Variants in ENPP6 observed in about 807,000 individuals in gnomAD.
ENPP6 encodes the protein ectonucleotide pyrophosphatase/phosphodiesterase 6, also known as glycerophosphocholine cholinephosphodiesterase ENPP6.
A neutral mutation model predicts 42.0 loss-of-function variants in ENPP6; 32 were observed. The ratio of observed to expected loss-of-function variants is 0.76; its 90% CI spans 0.58 to 1.02. The LOEUF is 1.02. Ranked by LOEUF, ENPP6 falls within the 50% of genes least tolerant of loss-of-function variation. The probability of loss-of-function intolerance (pLI) is 0.00; values close to 1 mark genes in which losing one functional copy is unlikely to be tolerated. For synonymous variants in ENPP6, 213 were observed against 216.0 expected (o/e 0.99, Z 0.12); for missense variants, 552 against 566.8 (o/e 0.97, Z 0.27).
intron 6 of ENPP6, among the ~76,000 whole-genome samples, chr4:184,111,288 T>A (rs1007589357): frequency 3.3e-5 from 5 of 152,268 alleles, no homozygotes; most frequent in African/African-American, 1.2e-4. Context: ...TATTTGCTTT[T>A]AAAAATTCCA....
intron 1 of ENPP6, among the ~76,000 whole-genome samples, chr4:184,169,305 A>T (rs891565690): frequency 6.6e-6 from 1 of 151,372 alleles, no homozygotes; most frequent in Non-Finnish European, 1.5e-5. Context: ...AGGATTCTTC[A>T]TGCTGGAGGA....
At chr4:184,167,860 C>G (rs1296307531) in intron 1 of ENPP6, among the ~76,000 whole-genome samples, 4 of 152,148 alleles carry the variant, frequency 2.6e-5, no homozygotes, top group East Asian at 1.9e-4. Flanking sequence ...GACACTGGGT[C>G]TCATTCAGTG....
chr4:184,116,680 C>G (rs865810132), intron 5 of ENPP6, among the ~76,000 whole-genome samples, 176 bp downstream of exon 5: 70 of 152,084 alleles, frequency 4.6e-4, no homozygotes, highest in African/African-American at 1.7e-3. Context: ...TTGCAGTGAG[C>G]CGAGATCGCG....
chr4:184,131,826 T>C (rs56057370), intron 2 of ENPP6, among the ~76,000 whole-genome samples: 92,277 of 140,300 alleles, frequency 0.66, 29,631 homozygotes, highest in Non-Finnish European at 0.68. Context: ...CACACACACA[T>C]ATATATATAT....
chr4:184,208,779 TG>T (rs1313810259), intron 1 of ENPP6, among the ~76,000 whole-genome samples: 6 of 144,644 alleles, frequency 4.1e-5, no homozygotes, highest in Non-Finnish European at 9.2e-5. Flanking sequence ...GCTCCACCTC[TG>T]GGGGCAGGGC....
At chr4:184,137,346 C>T (rs113166094) in intron 2 of ENPP6, among the ~76,000 whole-genome samples, 1 of 152,250 alleles carries the variant, frequency 6.6e-6, no homozygotes, top group East Asian at 1.9e-4. Flanking sequence ...ATCCACCTGC[C>T]TCAGCCTCCC....
intron 7 of ENPP6, 71 bp downstream of exon 7, chr4:184,097,174 A>T: frequency 1.9e-6 from 3 of 1,594,708 alleles, no homozygotes; most frequent in Non-Finnish European, 1.7e-6. Flanking sequence ...CTCTCCTGGC[A>T]CCCGTAGCCC....
chr4:184,151,471 G>T (rs1421852218), intron 2 of ENPP6, among the ~76,000 whole-genome samples: 2 of 152,218 alleles, frequency 1.3e-5, no homozygotes, highest in African/African-American at 4.8e-5. Flanking sequence ...CAGATGAAAG[G>T]CCCTCTCCAG....
chr4:184,103,422 A>G (rs1431006799), intron 6 of ENPP6, among the ~76,000 whole-genome samples: 1 of 152,236 alleles, frequency 6.6e-6, no homozygotes, highest in Non-Finnish European at 1.5e-5. Context: ...GAGGCCTAAT[A>G]AAAATCTACT....
At chr4:184,199,735 T>C (rs1393414048) in intron 1 of ENPP6, among the ~76,000 whole-genome samples, 2 of 152,306 alleles carry the variant, frequency 1.3e-5, no homozygotes, top group East Asian at 3.9e-4. Flanking sequence ...GGATTAACTA[T>C]AGAGCACTTT....
At chr4:184,186,192 G>A (rs1427521842) in intron 1 of ENPP6, among the ~76,000 whole-genome samples, 1 of 152,106 alleles carries the variant, frequency 6.6e-6, no homozygotes, top group Admixed American at 6.6e-5. Context: ...ATAAAAACTT[G>A]AGGAATAGCC....
chr4:184,182,164 G>GA (rs796142730), intron 1 of ENPP6, among the ~76,000 whole-genome samples: 1,419 of 137,696 alleles, frequency 0.01, 17 homozygotes, highest in African/African-American at 0.029. Context: ...AAATCTACAA[G>GA]AAAAAAAAAA....
rs369099129 is a variant in ENPP6, at chr4:184,097,410, C to G, written c.994-42G>C. 2.5e-6 allele frequency: 4 copies of G among 1,609,146 alleles called. No homozygotes were observed. In the East Asian group the frequency reaches 8.9e-5, roughly 36 times the overall value. On this transcript the variant is annotated intron_variant, in intron 6 of 7. Coordinates refer to ENST00000296741, the MANE Select transcript of ENPP6 (RefSeq NM_153343.4). ...CAGACACATGACACTACGTCCTGAC[C>G]GTGGCGCTGAGCGGGCATCTGCTCC...
intron 1 of ENPP6, among the ~76,000 whole-genome samples, chr4:184,207,287 C>T (rs1179735737): frequency 6.6e-6 from 1 of 152,204 alleles, no homozygotes; most frequent in Non-Finnish European, 1.5e-5. Flanking sequence ...ACTGCTTAAC[C>T]GGAAGTGTTT....
chr4:184,136,306 C>G (rs1736729191), intron 2 of ENPP6, among the ~76,000 whole-genome samples: 1 of 151,988 alleles, frequency 6.6e-6, no homozygotes, highest in South Asian at 2.1e-4. Context: ...CTGAAATTTA[C>G]ATTTCTCCCA....
intron 1 of ENPP6, among the ~76,000 whole-genome samples, chr4:184,165,665 G>A (rs987892191): frequency 3.9e-5 from 6 of 152,202 alleles, no homozygotes; most frequent in Non-Finnish European, 7.3e-5. Flanking sequence ...TCAGACTAGG[G>A]ATATCAACAA....
chr4:184,101,102 G>A (rs555930438), intron 6 of ENPP6, among the ~76,000 whole-genome samples: 2 of 152,226 alleles, frequency 1.3e-5, no homozygotes, highest in African/African-American at 4.8e-5. Flanking sequence ...CAGTGGGGAC[G>A]CAGCTGTGTG....
intron 1 of ENPP6, among the ~76,000 whole-genome samples, chr4:184,159,481 G>T (rs1737227545): frequency 6.6e-6 from 1 of 152,132 alleles, no homozygotes; most frequent in Non-Finnish European, 1.5e-5. Flanking sequence ...ATGCATATTT[G>T]TTATTTGCAT....
At chr4:184,187,171 C>A (rs1732646476) in intron 1 of ENPP6, among the ~76,000 whole-genome samples, 1 of 152,176 alleles carries the variant, frequency 6.6e-6, no homozygotes, top group African/African-American at 2.4e-5. Context: ...AGGATGTCTG[C>A]AAATCTAAGG....
Sources: allele counts gnomAD v4.1 joint callset (sites outside exome capture counted in the v4.1 genomes callset), GRCh38; gene constraint gnomAD v4.1.1; transcripts MANE v1.5; gene names NCBI Gene and HGNC (gene_info 2026-07-23, HGNC 2026-07-21).